SND1: variants seen among roughly 807,000 people sequenced by gnomAD.
The protein encoded by SND1 is staphylococcal nuclease and tudor domain containing 1, also known as staphylococcal nuclease domain-containing protein 1.
SND1 carries 38 observed loss-of-function variants against 121.7 expected under a neutral mutation model. That is an observed-to-expected ratio of 0.31 (90% CI 0.24 to 0.41). The LOEUF (loss-of-function observed/expected upper bound fraction) is 0.41, where lower values mean the gene tolerates loss of function less well. Among genes scored for constraint, SND1 ranks in the 10% least tolerant of loss-of-function variants. The probability of loss-of-function intolerance (pLI) is 1.00; values close to 1 mark genes in which losing one functional copy is unlikely to be tolerated. For missense variants in SND1, 868 were observed against 1,184.6 expected, an observed-to-expected ratio of 0.73 and a Z score of 3.92; for synonymous variants, 401 against 447.4, an observed-to-expected ratio of 0.90 and a Z score of 1.31.
intron 14 of SND1, among the ~76,000 whole-genome samples, chr7:127,927,670 G>C (rs1014677594): frequency 6.6e-6 from 1 of 152,164 alleles, no homozygotes; most frequent in Non-Finnish European, 1.5e-5. Flanking sequence ...CTAAGAATCC[G>C]TTTGATGGGA....
chr7:127,684,499 T>A (rs1795779875), intron 1 of SND1, among the ~76,000 whole-genome samples: 1 of 152,230 alleles, frequency 6.6e-6, no homozygotes, highest in African/African-American at 2.4e-5. Context: ...AAGAATTGAA[T>A]ATAAATGAGT....
At chr7:127,718,779 T>C (rs889879314) in intron 9 of SND1, 1 of 980,308 alleles carries the variant, frequency 1.0e-6, no homozygotes, top group African/African-American at 1.8e-5. Context: ...TATGATACTT[T>C]CTTTGGTTTT....
Position 128,029,990 on chromosome 7 carries a change from C to T in SND1, c.1779+38934C>T, listed in dbSNP as rs779078017. Reference sequence around the variant, plus strand: ...ACATCTCCAGCTCCTCCAGCCCCACCAGGGGGGTGAGATTGGGCATGTCTT... The same window carrying T: ...ACATCTCCAGCTCCTCCAGCCCCACTAGGGGGGTGAGATTGGGCATGTCTT... On this transcript the variant is annotated intron_variant, in intron 16 of 23. Coordinates refer to ENST00000354725, the MANE Select transcript of SND1 (RefSeq NM_014390.4). The surrounding 1 kb of genome is among the most constrained non-coding windows in gnomAD (Gnocchi z 4.2). 1.9e-6 allele frequency: 3 copies of T among 1,613,180 alleles called. No individual in the cohort carries two copies. The highest frequency in any genetic ancestry group is 2.5e-6 in the Non-Finnish European group (3 of 1,180,034).
chr7:127,813,754 G>A (rs539727194), intron 11 of SND1, among the ~76,000 whole-genome samples: 5 of 152,192 alleles, frequency 3.3e-5, no homozygotes, highest in African/African-American at 4.8e-5. Flanking sequence ...GTGGAGATGG[G>A]GTTTCACCAT....
chr7:127,807,693 G>A (rs1172632197), intron 11 of SND1, 120 bp downstream of exon 11: 2 of 759,854 alleles, frequency 2.6e-6, no homozygotes, highest in East Asian at 5.2e-5. Context: ...CAAGTCAAAT[G>A]GAATTACTTT....
In SND1 at chr7:128,029,417, G is replaced by A. The variant is rs779529922; in HGVS notation, c.1779+38361G>A. On this transcript the variant is annotated intron_variant, in intron 16 of 23. Coordinates refer to ENST00000354725, the MANE Select transcript of SND1 (RefSeq NM_014390.4). This position sits in a 1 kb window ranked among gnomAD's most constrained non-coding sequence, Gnocchi z 4.2. ...AAAGCAGCACGTGGGAAAAGTTCAAGGTGCCGTCGTTGAGGACAGAGATCC... is the reference window on the plus strand; with the variant it reads ...AAAGCAGCACGTGGGAAAAGTTCAAAGTGCCGTCGTTGAGGACAGAGATCC... 1 of 1,614,234 alleles carries A rather than the reference G, an allele frequency of 6.2e-7. No homozygotes were observed. Among genetic ancestry groups the A allele is most frequent in the East Asian group, 2.2e-5 (1 of 44,884 alleles).
At chr7:127,870,298 AGTG>A (rs1383259749) in intron 12 of SND1, among the ~76,000 whole-genome samples, 3 of 152,266 alleles carry the variant, frequency 2.0e-5, no homozygotes, top group African/African-American at 7.2e-5. Context: ...AACAGCTCAT[AGTG>A]GTTTTATTGA....
chr7:128,006,678 A>G (rs760022280), intron 16 of SND1, among the ~76,000 whole-genome samples: 2 of 152,156 alleles, frequency 1.3e-5, no homozygotes, highest in Non-Finnish European at 2.9e-5. Flanking sequence ...CAGTGTGGTC[A>G]CCAGGCCCTC....
chr7:127,729,731 G>A (rs1180568424), intron 10 of SND1, among the ~76,000 whole-genome samples: 1 of 152,112 alleles, frequency 6.6e-6, no homozygotes, highest in African/African-American at 2.4e-5. Context: ...TCGGTCACCA[G>A]GTAGACTTTA....
chr7:127,738,431 A>C (rs1002446590), intron 10 of SND1, among the ~76,000 whole-genome samples: 6 of 151,828 alleles, frequency 4.0e-5, no homozygotes, highest in Admixed American at 2.6e-4. Flanking sequence ...GGCACCTGCC[A>C]CCACGCTTGT....
At chr7:127,687,598 A>G (rs1467185207) in intron 2 of SND1, among the ~76,000 whole-genome samples, 4 of 152,134 alleles carry the variant, frequency 2.6e-5, no homozygotes, top group Admixed American at 2.6e-4. Context: ...GAGTTAGTTC[A>G]CTTAGGATGC....
At chr7:127,857,594 C>T (rs897018539) in intron 12 of SND1, among the ~76,000 whole-genome samples, 2 of 151,700 alleles carry the variant, frequency 1.3e-5, no homozygotes, top group Non-Finnish European at 2.9e-5. Flanking sequence ...GCCACGGGAC[C>T]CCTGACAGGC....
At chr7:127,932,149 C>G (rs1800967826) in intron 15 of SND1, among the ~76,000 whole-genome samples, 1 of 152,164 alleles carries the variant, frequency 6.6e-6, no homozygotes, top group South Asian at 2.1e-4. Context: ...TGAAAACTTT[C>G]TGGAATGGAT....
At chr7:127,970,043 G>T (rs1450082206) in intron 15 of SND1, among the ~76,000 whole-genome samples, 1 of 152,156 alleles carries the variant, frequency 6.6e-6, no homozygotes, top group Non-Finnish European at 1.5e-5. Flanking sequence ...ATTGTTATGT[G>T]AGTTTCTTCT....
intron 10 of SND1, among the ~76,000 whole-genome samples, chr7:127,737,704 A>G (rs1210339056): frequency 6.6e-6 from 1 of 152,196 alleles, no homozygotes; most frequent in Non-Finnish European, 1.5e-5. Flanking sequence ...GAGTATTTGA[A>G]TGTGCTCACT....
At chr7:127,914,264 G>A (rs1390759345) in intron 14 of SND1, among the ~76,000 whole-genome samples, 3 of 152,112 alleles carry the variant, frequency 2.0e-5, no homozygotes, top group African/African-American at 4.8e-5. Context: ...CACTACTTAA[G>A]GTCCTCAGTT....
chr7:127,940,711 C>G (rs1801177570), intron 15 of SND1, among the ~76,000 whole-genome samples: 1 of 152,188 alleles, frequency 6.6e-6, no homozygotes, highest in Non-Finnish European at 1.5e-5. Flanking sequence ...CATTGCTCAC[C>G]TTGAGTTTCT....
Position 128,052,895 on chromosome 7 carries a change from A to G in SND1, c.1780-21607A>G, listed in dbSNP as rs184060969. Among the ~76,000 whole-genome samples the G allele has an allele frequency of 5.3e-5, 8 of 152,368 alleles. No homozygotes were observed. The highest frequency in any genetic ancestry group is 1.3e-4 in the Admixed American group (2 of 15,306). ...TCAGCCCTACCCTTCAGGGACTTCT[A>G]GTTTAGAGCTGGTACCTACTGTATG... On this transcript the variant is annotated intron_variant, in intron 16 of 23. Transcript: ENST00000354725. The surrounding 1 kb of genome is among the most constrained non-coding windows in gnomAD (Gnocchi z 4.6).
intron 16 of SND1, among the ~76,000 whole-genome samples, chr7:128,063,681 T>G (rs768031931): frequency 1.3e-4 from 20 of 152,266 alleles, no homozygotes; most frequent in African/African-American, 4.3e-4. Context: ...CATGGTGATA[T>G]GAGTAAAGTG....
Sources: allele counts gnomAD v4.1 joint callset (sites outside exome capture counted in the v4.1 genomes callset), GRCh38; gene constraint gnomAD v4.1.1; non-coding constraint Gnocchi (gnomAD v3.1); transcripts MANE v1.5; gene names NCBI Gene and HGNC (gene_info 2026-07-23, HGNC 2026-07-21).